Variants in VWA7 observed in about 807,000 individuals in gnomAD.
The protein encoded by VWA7 is von Willebrand factor A domain containing 7.
Under a neutral mutation model 83.1 loss-of-function variants are expected in VWA7, and 66 were observed. That is an observed-to-expected ratio of 0.79 (90% CI 0.65 to 0.98). The LOEUF is 0.98. Among genes scored for constraint, VWA7 ranks in the 50% least tolerant of loss-of-function variants. The probability of loss-of-function intolerance (pLI) is 0.00; values close to 1 mark genes in which losing one functional copy is unlikely to be tolerated. For synonymous variants in VWA7, 424 were observed against 488.5 expected, an observed-to-expected ratio of 0.87 and a Z score of 1.74; for missense variants, 1,080 against 1,160.2, an observed-to-expected ratio of 0.93 and a Z score of 1.00.
In VWA7 at chr6:31,774,499, A is replaced by C. The variant is rs1554218560; in HGVS notation, c.721+17T>G. 1.9e-6 allele frequency: 3 copies of C among 1,609,620 alleles called. No homozygotes were observed. The highest frequency in any genetic ancestry group is 1.1e-5 in the South Asian group (1 of 90,936). On this transcript the variant is annotated intron_variant, in intron 5 of 16. Transcript: ENST00000375688. Reference sequence around the variant, plus strand: ...GACTTTCTCCCCTTACTTCTGGGGAACTTTCTTGTCTGGTACCTGGAGGTT... The same window carrying C: ...GACTTTCTCCCCTTACTTCTGGGGACCTTTCTTGTCTGGTACCTGGAGGTT...
rs752691093 is a variant in VWA7 at position 31,766,601 on chromosome 6, G to C, written c.2046C>G (p.Leu682=). 1.9e-6 allele frequency: 3 copies of C among 1,613,052 alleles called. No individual in the cohort carries two copies. The highest frequency in any genetic ancestry group is 3.3e-5 in the Admixed American group (2 of 60,034). ...LEPVGPPERG[L]LAASLSPTLL... is the part of the protein sequence containing the mutation. ...GCGTGGGCGACAGCGAGGCTGCGAG[G>C]AGACCTCGCTCCGGAGGTCCCACGG... The change falls in exon 14 of 17, where the codon CTC becomes CTG. Residue 682 remains leucine (L), a synonymous_variant. Coordinates refer to ENST00000375688, the MANE Select transcript of VWA7 (RefSeq NM_025258.3). The surrounding 1 kb of genome is among the most constrained non-coding windows in gnomAD (Gnocchi z 4.9).
rs1217276854 is a variant in VWA7, at chr6:31,775,281, G to A, written c.610+52C>T. 27 of 1,477,550 alleles carry A rather than the reference G, an allele frequency of 1.8e-5. No homozygotes were observed. The highest frequency in any genetic ancestry group is 2.4e-5 in the Non-Finnish European group (26 of 1,078,378). 91.5% of individuals were successfully genotyped at this position (1,477,550 alleles called of 1,614,324 possible). On this transcript the variant is annotated intron_variant, in intron 4 of 16. Transcript: ENST00000375688. The surrounding 1 kb of genome is among the most constrained non-coding windows in gnomAD (Gnocchi z 5.9). ...CAGAATGTGACACAGTGGCTGGGTG[G>A]ACTGAGGTGGCCCTGTGGACTCCTG...
rs1812338084 is a variant in VWA7 at position 31,772,942 on chromosome 6, G to T, written c.1087+12C>A. 1.2e-6 allele frequency: 2 copies of T among 1,608,694 alleles called. No homozygotes were observed. The highest frequency in any genetic ancestry group is 1.3e-5 in the African/African-American group (1 of 75,014). On this transcript the variant is annotated intron_variant, in intron 7 of 16. Coordinates refer to ENST00000375688, the MANE Select transcript of VWA7 (RefSeq NM_025258.3). ...TTCCTCCCCTCTACTGTCCTAGCCA[G>T]ACCACACTTACCTGGGTCATGAAAA...
intron 12 of VWA7, 29 bp from the exon 13 acceptor site, chr6:31,767,279 C>G (rs757819977): frequency 6.2e-7 from 1 of 1,612,356 alleles, no homozygotes; most frequent in African/African-American, 1.3e-5. Flanking sequence ...AGTCAGAGCC[C>G]TTCCTGAAAG....
In VWA7 at chr6:31,765,732, G is replaced by A. The variant is rs1467222323; in HGVS notation, c.2538C>T (p.Ile846=). The A allele has an allele frequency of 1.9e-6, 3 of 1,592,844 alleles. No individual in the cohort carries two copies. The highest frequency in any genetic ancestry group is 2.6e-6 in the Non-Finnish European group (3 of 1,170,252). The change falls in exon 17 of 17, where the codon ATC becomes ATT. Residue 846 remains isoleucine (I), a synonymous_variant. Transcript: ENST00000375688. ...AAAAGGCAGGGGTGGCCGTGGTGAG[G>A]ATCGGGTCAGATGAGCCGGTAGGGG... The part of the protein sequence containing the change: ...HTTPTGSSDP[I]LTTATPAFSP...
rs185088430 is a variant in VWA7, at chr6:31,769,540, G to T, written c.1317+135C>A. On this transcript the variant is annotated intron_variant, in intron 9 of 16. Transcript: ENST00000375688. The surrounding 1 kb of genome is among the most constrained non-coding windows in gnomAD (Gnocchi z 4.5). ...GGTATCAGGAAATGTTCCACTCATT[G>T]TCTGCTTCTCCCACCATATACCAAG... The T allele has an allele frequency of 2.1e-3, 1,703 of 800,660 alleles. 28 individuals are homozygous for T. The African/African-American group carries it at 0.026, about 12-fold the overall frequency. 49.6% of individuals were successfully genotyped at this position (800,660 alleles called of 1,614,324 possible). A position where few individuals can be genotyped will look rare whatever the true frequency, so the allele number is the denominator to read the frequency against.
chr6:31,767,575 A>G (rs754223290), intron 11 of VWA7, 47 bp downstream of exon 11: 1 of 1,599,366 alleles, frequency 6.3e-7, no homozygotes, highest in South Asian at 1.1e-5. Flanking sequence ...CATCCCCTCG[A>G]TTGTCTATTC....
In VWA7 at chr6:31,765,654, G is replaced by T; in HGVS notation, c.2616C>A (p.Gly872=). Residue 872 remains glycine, a synonymous_variant, in exon 17 of 17, where the codon GGC becomes GGA. Transcript: ENST00000375688. ...QGRAGAGLAA[G]SPWWGTVGGV... Reference sequence around the variant, plus strand: ...CTCCAACTGTGCCCCACCAGGGGCTGCCCGCAGCCAGCCCTGCCCCAGCCC... The same window carrying T: ...CTCCAACTGTGCCCCACCAGGGGCTTCCCGCAGCCAGCCCTGCCCCAGCCC... The T allele has an allele frequency of 6.2e-7, 1 of 1,608,180 alleles. No individual in the cohort carries two copies. Among genetic ancestry groups the T allele is most frequent in the Non-Finnish European group, 8.5e-7 (1 of 1,178,032 alleles).
intron 7 of VWA7, 104 bp downstream of exon 7, chr6:31,772,850 C>T (rs1410650353): frequency 2.1e-6 from 3 of 1,405,950 alleles, no homozygotes; most frequent in Middle Eastern, 1.8e-4. Flanking sequence ...CCACCTGCCT[C>T]AGCCTCCCAA....
intron 7 of VWA7, among the ~76,000 whole-genome samples, chr6:31,771,064 GAA>G (rs1043399840): frequency 4.2e-5 from 6 of 142,022 alleles, no homozygotes; most frequent in African/African-American, 1.3e-4. Flanking sequence ...TTCCTCATAA[GAA>G]AAGAGACCGA....
chr6:31,767,612 T>C lies in VWA7; in HGVS notation c.1636+10A>G, dbSNP rs1811743903. The C allele has an allele frequency of 2.5e-6, 4 of 1,608,100 alleles. No individual in the cohort carries two copies. The highest frequency in any genetic ancestry group is 2.6e-6 in the Non-Finnish European group (3 of 1,175,044). ...CCGGTCCCCTCTCTTCCCTCTACCT[T>C]CAGAGGTACCTGCAGGGTTCTTGAT... On this transcript the variant is annotated intron_variant, in intron 11 of 16. Transcript: ENST00000375688.
intron 10 of VWA7, among the ~76,000 whole-genome samples, chr6:31,768,299 C>A (rs1004499086): frequency 1.3e-5 from 2 of 152,086 alleles, no homozygotes; most frequent in Admixed American, 6.6e-5. Flanking sequence ...ATGAGACAAT[C>A]ACATCTTGTG....
chr6:31,766,167 G>C lies in VWA7; in HGVS notation c.2324+78C>G. ...AGGAGGATTCTGAGGGCCAGTCGGA[G>C]GGGGACAGGGGCAGGGCTTGGGATA... On this transcript the variant is annotated intron_variant, in intron 15 of 16. Coordinates refer to ENST00000375688, the MANE Select transcript of VWA7 (RefSeq NM_025258.3). The surrounding 1 kb of genome is among the most constrained non-coding windows in gnomAD (Gnocchi z 4.9). 1 of 1,593,732 alleles carries C rather than the reference G, an allele frequency of 6.3e-7. No individual in the cohort carries two copies. Among genetic ancestry groups the C allele is most frequent in the Non-Finnish European group, 8.6e-7 (1 of 1,168,650 alleles).
chr6:31,766,769 G>A lies in VWA7; in HGVS notation c.1883-5C>T, dbSNP rs2151389975. 1 of 1,596,424 alleles carries A rather than the reference G, an allele frequency of 6.3e-7. No individual in the cohort carries two copies. Among genetic ancestry groups the A allele is most frequent in the East Asian group, 2.2e-5 (1 of 44,470 alleles). ...CCAGCAGCTGGGTCTGAAGACCTGG[G>A]ACAGGGGCGAGGAGGGGAGAACATT... On this transcript the variant is annotated splice_region_variant and splice_polypyrimidine_tract_variant and intron_variant, in intron 13 of 16. Transcript: ENST00000375688. This position sits in a 1 kb window ranked among gnomAD's most constrained non-coding sequence, Gnocchi z 4.9.
rs1454502963 is a variant in VWA7 at position 31,769,038 on chromosome 6, C to T, written c.1483G>A (p.Gly495Arg). The T allele has an allele frequency of 6.2e-7, 1 of 1,612,072 alleles. No individual in the cohort carries two copies. The highest frequency in any genetic ancestry group is 8.5e-7 in the Non-Finnish European group (1 of 1,179,684). ...QHIRDVAAIV[G>R]ESMAALVTLP... ...CTTACCAGGGCAGCCATGCTCTCCC[C>T]AACAATGGCTGCCACGTCTCGAATG... The change falls in exon 10 of 17, where the codon GGG (glycine) becomes AGG (arginine). Residue 495 changes from glycine (G) to arginine (R), a missense_variant. By Grantham distance (125) the Gly-to-Arg change is moderately radical. Coordinates refer to ENST00000375688, the MANE Select transcript of VWA7 (RefSeq NM_025258.3). The surrounding 1 kb of genome is among the most constrained non-coding windows in gnomAD (Gnocchi z 4.5).
At position 31,769,593 on chromosome 6, in the gene VWA7, A is replaced by T; in HGVS notation, c.1317+82T>A. 7.6e-7 allele frequency: 1 copy of T among 1,321,240 alleles called. No individual in the cohort carries two copies. Among genetic ancestry groups the T allele is most frequent in the South Asian group, 1.2e-5 (1 of 82,616 alleles). 81.8% of individuals were successfully genotyped at this position (1,321,240 alleles called of 1,614,324 possible). ...TTGTTGGGCCACCATAGTGTGGTGC[A>T]ACCCTCGTTATGAGATTGTCATCAC... is the stretch of plus-strand genomic sequence containing the variant. On this transcript the variant is annotated intron_variant, in intron 9 of 16. Coordinates refer to ENST00000375688, the MANE Select transcript of VWA7 (RefSeq NM_025258.3). This position sits in a 1 kb window ranked among gnomAD's most constrained non-coding sequence, Gnocchi z 4.5.
In VWA7 at chr6:31,766,205, G is replaced by A. The variant is rs777766340; in HGVS notation, c.2324+40C>T. 2 of 1,607,106 alleles carry A rather than the reference G, an allele frequency of 1.2e-6. No individual in the cohort carries two copies. Among genetic ancestry groups the A allele is most frequent in the Admixed American group, 1.7e-5 (1 of 59,594 alleles). On this transcript the variant is annotated intron_variant, in intron 15 of 16. Coordinates refer to ENST00000375688, the MANE Select transcript of VWA7 (RefSeq NM_025258.3). The surrounding 1 kb of genome is among the most constrained non-coding windows in gnomAD (Gnocchi z 4.9). ...AGGGCTTGGGATAAGCATTGGCCGG[G>A]CAAGATGCCAGAGGGAGCTGGAGGG...
In VWA7 at chr6:31,767,457, C is replaced by G. The variant is rs553469635; in HGVS notation, c.1694G>C (p.Gly565Ala). Reference protein sequence around the residue: ...GGPLGHTRRFGQFWMVTMDDP... With the variant: ...GGPLGHTRRFAQFWMVTMDDP... The stretch of plus-strand genomic sequence containing the variant: ...ATCCATGGTCACCATCCAGAACTGC[C>G]CAAAGCGGCGAGTGTGACCTAGAGG... The change falls in exon 12 of 17, where the codon GGG (glycine) becomes GCG (alanine). Residue 565 changes from glycine to alanine, a missense_variant. By Grantham distance (60) the Gly-to-Ala change is moderately conservative. Coordinates refer to ENST00000375688, the MANE Select transcript of VWA7 (RefSeq NM_025258.3). 1.4e-5 allele frequency: 22 copies of G among 1,612,968 alleles called. No individual in the cohort carries two copies. The highest frequency in any genetic ancestry group is 3.3e-4 in the Middle Eastern group (2 of 6,062).
chr6:31,771,242 A>G (rs1812153583), intron 7 of VWA7: 1 of 152,306 alleles, frequency 6.6e-6, no homozygotes, highest in East Asian at 1.9e-4. Flanking sequence ...GGATGTATGC[A>G]GGCAAATAAG....
Sources: gnomAD v4.1 joint callset for allele counts (sites outside exome capture counted in the v4.1 genomes callset) on GRCh38, gnomAD v4.1.1 for gene constraint, Gnocchi (gnomAD v3.1) non-coding constraint, MANE v1.5 for transcripts, NCBI Gene and HGNC (gene_info 2026-07-23, HGNC 2026-07-21) for gene names.